Variants in ASIC2 observed in about 807,000 individuals in gnomAD.
ASIC2 encodes acid-sensing ion channel 2.
A neutral mutation model predicts 57.3 loss-of-function variants in ASIC2; 25 were observed. The ratio of observed to expected loss-of-function variants is 0.44; its 90% CI spans 0.32 to 0.61. ASIC2 has a LOEUF of 0.61. Among genes scored for constraint, ASIC2 ranks in the 20% least tolerant of loss-of-function variants. The pLI is 0.06. For synonymous variants in ASIC2, 319 were observed against 307.5 expected, an observed-to-expected ratio of 1.04 and a Z score of -0.39; for missense variants, 641 against 738.1, an observed-to-expected ratio of 0.87 and a Z score of 1.52.
In ASIC2 at chr17:33,865,072, G is replaced by A. The variant is rs115277525; in HGVS notation, c.555+290906C>T. ...TTCAGGATAATGTATCCAGGGTGGA[G>A]GAGCCTTTCCAACATTTAATTACAT... is the stretch of plus-strand genomic sequence containing the variant. On this transcript the variant is annotated intron_variant, in intron 1 of 9. Transcript: ENST00000359872. 3.0e-3 allele frequency among the ~76,000 whole-genome samples: 451 copies of A among 152,294 alleles called. 8 individuals carry two copies. Among genetic ancestry groups the A allele is most frequent in the African/African-American group, 0.01 (424 of 41,546 alleles).
chr17:33,950,348 C>A (rs1305723585), intron 1 of ASIC2, among the ~76,000 whole-genome samples: 1 of 152,188 alleles, frequency 6.6e-6, no homozygotes, highest in East Asian at 1.9e-4. Context: ...TTCCTCCACA[C>A]ACAAAAAGAA....
At chr17:33,515,264 C>G (rs985304366) in intron 1 of ASIC2, among the ~76,000 whole-genome samples, 10 of 152,184 alleles carry the variant, frequency 6.6e-5, no homozygotes, top group Non-Finnish European at 1.2e-4. Flanking sequence ...CCAGGACATA[C>G]CCATACACTC....
chr17:33,596,599 A>G (rs1904986210), intron 1 of ASIC2, among the ~76,000 whole-genome samples: 1 of 152,170 alleles, frequency 6.6e-6, no homozygotes, highest in Non-Finnish European at 1.5e-5. Context: ...AACCTGCAGT[A>G]TCTTTGTCAG....
intron 1 of ASIC2, among the ~76,000 whole-genome samples, chr17:33,891,300 C>T (rs927567922): frequency 5.3e-5 from 8 of 152,126 alleles, no homozygotes; most frequent in Admixed American, 5.2e-4. Flanking sequence ...AACACATAGT[C>T]CTTCCAATTT....
At chr17:34,036,611 G>A (rs1436277090) in intron 1 of ASIC2, 1 of 143,820 alleles carries the variant, frequency 7.0e-6, no homozygotes, top group African/African-American at 2.6e-5. Flanking sequence ...TTAATGAAAA[G>A]AAATGGTCCT....
intron 1 of ASIC2, among the ~76,000 whole-genome samples, chr17:33,786,931 C>T (rs975841258): frequency 1.2e-4 from 19 of 152,208 alleles, no homozygotes; most frequent in Non-Finnish European, 2.9e-5. Flanking sequence ...CTCTCAAGCA[C>T]ATACTTTCAT....
chr17:33,028,964 C>T (rs1440354472), intron 3 of ASIC2, among the ~76,000 whole-genome samples: 1 of 152,166 alleles, frequency 6.6e-6, no homozygotes, highest in East Asian at 1.9e-4. Flanking sequence ...GTAGATGGCA[C>T]CTTTTCCCTT....
At chr17:33,073,168 T>C (rs1380129752) in intron 3 of ASIC2, among the ~76,000 whole-genome samples, 1 of 152,248 alleles carries the variant, frequency 6.6e-6, no homozygotes, top group African/African-American at 2.4e-5. Flanking sequence ...GTTTGCTACC[T>C]GTCAGCAAGT....
At chr17:33,763,582 A>G (rs1417943168) in intron 1 of ASIC2, among the ~76,000 whole-genome samples, 1 of 152,154 alleles carries the variant, frequency 6.6e-6, no homozygotes, top group Non-Finnish European at 1.5e-5. Flanking sequence ...GGTGCACCCA[A>G]GTGACCTGCT....
At chr17:33,270,423 G>C (rs558796199) in intron 1 of ASIC2, among the ~76,000 whole-genome samples, 65 of 152,258 alleles carry the variant, frequency 4.3e-4, no homozygotes, top group Middle Eastern at 6.8e-3. Flanking sequence ...CTTGCTGCCA[G>C]AGTGGTCTTT....
In ASIC2 at chr17:33,156,386, A is replaced by G. The variant is rs142587128; in HGVS notation, c.709-44319T>C. Reference sequence around the variant, plus strand: ...TGTAATCCACCCACCTTGGCCTCCCAAAGTGCTAGGATTAGGCATGAGTCA... The same window carrying G: ...TGTAATCCACCCACCTTGGCCTCCCGAAGTGCTAGGATTAGGCATGAGTCA... On this transcript the variant is annotated intron_variant, in intron 1 of 9. Transcript: ENST00000225823. Among the ~76,000 whole-genome samples the G allele has an allele frequency of 4.9e-3, 746 of 152,070 alleles. 5 individuals are homozygous for G. Among genetic ancestry groups the G allele is most frequent in the African/African-American group, 0.017 (706 of 41,488 alleles).
At chr17:33,955,096 T>A (rs1013014787) in intron 1 of ASIC2, 3 of 152,122 alleles carry the variant, frequency 2.0e-5, no homozygotes, top group Non-Finnish European at 2.9e-5. Flanking sequence ...ATTTTACAGA[T>A]AAGGAAATGA....
At chr17:33,347,398 G>A (rs572090245) in intron 1 of ASIC2, among the ~76,000 whole-genome samples, 10 of 152,270 alleles carry the variant, frequency 6.6e-5, no homozygotes, top group South Asian at 2.1e-4. Flanking sequence ...TGAAACAGTC[G>A]TTACAAAGAA....
rs528187971 is a variant in ASIC2 at position 33,920,217 on chromosome 17, A to T, written c.555+235761T>A. Among the ~76,000 whole-genome samples, 7 of 152,134 alleles carry T rather than the reference A, an allele frequency of 4.6e-5. No individual in the cohort carries two copies. The East Asian group carries it at 5.8e-4, about 13-fold the overall frequency. On this transcript the variant is annotated intron_variant, in intron 1 of 9. Transcript: ENST00000359872. ...TCAGAATCTTGTGGAGGGAAAAATT[A>T]AAAAAAATAAATTGTCCTACCAAAA...
intron 1 of ASIC2, among the ~76,000 whole-genome samples, chr17:33,541,567 C>A (rs573089600): frequency 1.3e-4 from 20 of 152,268 alleles, no homozygotes; most frequent in Admixed American, 1.0e-3. Flanking sequence ...GGAGGCTCAA[C>A]GGAAACTCAG....
At chr17:33,770,350 A>G (rs1168565732) in intron 1 of ASIC2, among the ~76,000 whole-genome samples, 3 of 152,210 alleles carry the variant, frequency 2.0e-5, no homozygotes, top group Non-Finnish European at 4.4e-5. Flanking sequence ...AGCTGGCCTC[A>G]TACAGTTGGT....
chr17:33,330,634 G>A (rs1444343019), intron 1 of ASIC2, among the ~76,000 whole-genome samples: 1 of 152,130 alleles, frequency 6.6e-6, no homozygotes, highest in African/African-American at 2.4e-5. Flanking sequence ...CTAAGTCCAT[G>A]CTCTTTCTAA....
At chr17:33,044,519 C>T (rs2091943885) in intron 3 of ASIC2, among the ~76,000 whole-genome samples, 1 of 152,068 alleles carries the variant, frequency 6.6e-6, no homozygotes, top group African/African-American at 2.4e-5. Flanking sequence ...ATTACAGGCA[C>T]CCGAAACTAA....
intron 1 of ASIC2, among the ~76,000 whole-genome samples, chr17:33,402,165 G>A (rs1416968553): frequency 2.0e-5 from 3 of 152,138 alleles, no homozygotes; most frequent in Admixed American, 1.3e-4. Flanking sequence ...GGTTAGATCT[G>A]AGGGGCCACA....
Sources: gnomAD v4.1 joint callset for allele counts (sites outside exome capture counted in the v4.1 genomes callset) on GRCh38, gnomAD v4.1.1 for gene constraint, MANE v1.5 for transcripts, NCBI Gene and HGNC (gene_info 2026-07-23, HGNC 2026-07-21) for gene names.